The following SLIT1 variants were observed in gnomAD, a reference collection of about 807,000 sequenced individuals.
SLIT1 encodes the protein slit guidance ligand 1.
Under a neutral mutation model 186.1 loss-of-function variants are expected in SLIT1, and 66 were observed. The ratio of observed to expected loss-of-function variants is 0.35; its 90% confidence interval spans 0.29 to 0.44. SLIT1 has a LOEUF of 0.44. Ranked by LOEUF, SLIT1 falls within the 20% of genes least tolerant of loss-of-function variation. SLIT1 has a pLI of 1.00. For synonymous variants in SLIT1, 761 were observed against 833.8 expected (o/e 0.91, Z 1.50); for missense variants, 1,638 against 2,037.4 (o/e 0.80, Z 3.77).
chr10:97,114,617 C>T (rs1033788232), intron 4 of SLIT1, among the ~76,000 whole-genome samples: 29 of 152,028 alleles, frequency 1.9e-4, no homozygotes, highest in African/African-American at 6.8e-4. Context: ...CATGACTGCA[C>T]CACTGCACTC....
intron 20 of SLIT1, 25 bp from the exon 21 acceptor site, chr10:97,040,145 T>G (rs368940274): frequency 6.9e-5 from 105 of 1,531,842 alleles, no homozygotes; most frequent in Non-Finnish European, 9.0e-5. Context: ...ACGAAGCCCC[T>G]GTCAGGGAGG....
intron 4 of SLIT1, among the ~76,000 whole-genome samples, chr10:97,138,497 A>G (rs1849725876): frequency 6.6e-6 from 1 of 152,244 alleles, no homozygotes; most frequent in South Asian, 2.1e-4. Context: ...CTGAAGTCTC[A>G]TGCCATGTCC....
chr10:97,031,607 G>T lies in SLIT1; in HGVS notation c.2509C>A (p.Leu837Met). ...AFQGLRSLRL[L>M]SLHGNDISTL... is the part of the protein sequence containing the mutation. ...AGGATGGTGAGTGAGGAGACTTACA[G>T]CAGGCGCAGGGAGCGGAGTCCCTGG... Residue 837 changes from leucine to methionine, a missense_variant and splice_region_variant, in exon 24 of 37, where the codon CTG becomes ATG. By Grantham distance (15) the Leu-to-Met change is conservative. This residue lies in a region of SLIT1 where 1,245 missense variants were observed against 1,535.3 expected (regional missense o/e 0.81). Coordinates refer to ENST00000266058, the MANE Select transcript of SLIT1 (RefSeq NM_003061.3). 6.4e-7 allele frequency: 1 copy of T among 1,550,692 alleles called. No individual in the cohort carries two copies. The highest frequency in any genetic ancestry group is 1.2e-5 in the South Asian group (1 of 83,978).
chr10:97,095,427 G>A (rs776996607), intron 4 of SLIT1, among the ~76,000 whole-genome samples: 17 of 152,270 alleles, frequency 1.1e-4, no homozygotes, highest in Non-Finnish European at 2.2e-4. Flanking sequence ...TCTTCTTGGG[G>A]CTTCCCAGGG....
intron 4 of SLIT1, among the ~76,000 whole-genome samples, chr10:97,076,290 T>C (rs548719358): frequency 6.6e-6 from 1 of 152,248 alleles, no homozygotes; most frequent in African/African-American, 2.4e-5. Flanking sequence ...GGCCAGGGAA[T>C]GGGAGACAGA....
chr10:97,180,688 C>T (rs987881897), intron 1 of SLIT1, among the ~76,000 whole-genome samples: 2 of 152,198 alleles, frequency 1.3e-5, no homozygotes, highest in Non-Finnish European at 2.9e-5. Context: ...GCATACAGTC[C>T]CCACTCTGTC....
intron 4 of SLIT1, among the ~76,000 whole-genome samples, chr10:97,114,546 C>G (rs1455642030): frequency 6.6e-6 from 1 of 152,142 alleles, no homozygotes; most frequent in Non-Finnish European, 1.5e-5. Context: ...AGAGTCCCAG[C>G]TACTCTGGAG....
chr10:97,064,810 C>T lies in SLIT1; in HGVS notation c.552G>A (p.Glu184=). Residue 184 remains glutamate, a synonymous_variant, in exon 6 of 37, where the codon GAG becomes GAA. Transcript: ENST00000266058. ...EGAFRALRGL[E]VLTLNNNNIT... ...CTTTTCCATGCTTTACTTACAGCAC[C>T]TCCAGCCCCCGCAGAGCACGGAAGG... 5.0e-6 allele frequency: 8 copies of T among 1,610,600 alleles called. No individual in the cohort carries two copies. Among genetic ancestry groups the T allele is most frequent in the Non-Finnish European group, 6.8e-6 (8 of 1,178,260 alleles).
chr10:97,070,417 T>C lies in SLIT1; in HGVS notation c.414-4331A>G, dbSNP rs533752992. ...GGCCTCAGTTTCCTCATTTGTCCAA[T>C]TCATAGGCTGGAGCAGAAGATTTCT... is the stretch of plus-strand genomic sequence containing the variant. On this transcript the variant is annotated intron_variant, in intron 4 of 36. Transcript: ENST00000266058. Among the ~76,000 whole-genome samples, 88 of 152,248 alleles carry C rather than the reference T, an allele frequency of 5.8e-4. 1 individual carries two copies. The highest frequency in any genetic ancestry group is 2.1e-3 in the African/African-American group (88 of 41,542).
At chr10:97,025,008 G>A (rs1342236993) in intron 25 of SLIT1, among the ~76,000 whole-genome samples, 4 of 152,214 alleles carry the variant, frequency 2.6e-5, no homozygotes, top group Admixed American at 2.0e-4. Flanking sequence ...GATGGCTCAC[G>A]CCTGTAGTCC....
chr10:97,150,217 A>G (rs1007773662), intron 4 of SLIT1, among the ~76,000 whole-genome samples: 4 of 152,176 alleles, frequency 2.6e-5, no homozygotes, highest in African/African-American at 4.8e-5. Flanking sequence ...TCAGTTCTGC[A>G]GTTCTGCTGC....
chr10:97,087,353 G>A (rs1041640177), intron 4 of SLIT1, among the ~76,000 whole-genome samples: 3 of 152,156 alleles, frequency 2.0e-5, no homozygotes, highest in Non-Finnish European at 2.9e-5. Flanking sequence ...ACCATCCTCC[G>A]GCTTGCCTCC....
rs199759639 is a variant in SLIT1, at chr10:97,001,084, G to A, written c.*28C>T. On this transcript the variant is annotated 3_prime_UTR_variant, in exon 37 of 37. Transcript: ENST00000266058. ...CTGCAGCGGCTGGGGCCCCTTGCCCGCCCTCACCGGCCTGTCCACGCCCAG... is the reference window on the plus strand; with the variant it reads ...CTGCAGCGGCTGGGGCCCCTTGCCCACCCTCACCGGCCTGTCCACGCCCAG... The A allele has an allele frequency of 7.4e-5, 117 of 1,590,282 alleles. No individual in the cohort carries two copies. In the East Asian group the frequency reaches 1.3e-3, roughly 17 times the overall value.
At chr10:97,099,481 CAGG>C (rs879718484) in intron 4 of SLIT1, among the ~76,000 whole-genome samples, 13 of 152,270 alleles carry the variant, frequency 8.5e-5, no homozygotes, top group Admixed American at 2.0e-4. Flanking sequence ...AGGCAGTGGA[CAGG>C]AGGAGAAGCT....
intron 11 of SLIT1, chr10:97,057,728 C>CT: frequency 2.2e-6 from 1 of 445,562 alleles, no homozygotes; most frequent in South Asian, 3.8e-5. Context: ...AGTGTGAGAT[C>CT]CGGATGGTGG....
At chr10:97,140,011 T>G (rs1206979237) in intron 4 of SLIT1, among the ~76,000 whole-genome samples, 1 of 152,152 alleles carries the variant, frequency 6.6e-6, no homozygotes, top group Non-Finnish European at 1.5e-5. Flanking sequence ...GAAGCTCCCC[T>G]CTTCCTCTCT....
At chr10:97,023,406 TAGA>T (rs1368539848) in intron 25 of SLIT1, among the ~76,000 whole-genome samples, 1 of 151,894 alleles carries the variant, frequency 6.6e-6, no homozygotes, top group Admixed American at 6.6e-5. Context: ...AACAGATGCC[TAGA>T]AGTAGGATTT....
chr10:97,076,485 C>G (rs546313809), intron 4 of SLIT1, among the ~76,000 whole-genome samples: 14 of 152,254 alleles, frequency 9.2e-5, no homozygotes, highest in African/African-American at 3.4e-4. Context: ...TCCTATGCCT[C>G]CCACGTAGAA....
intron 4 of SLIT1, among the ~76,000 whole-genome samples, chr10:97,151,051 A>C (rs1219634327): frequency 6.6e-6 from 1 of 150,750 alleles, no homozygotes; most frequent in Non-Finnish European, 1.5e-5. Flanking sequence ...GCCCCCACCC[A>C]CTCCAATCTG....
Sources: gnomAD v4.1 joint callset for allele counts (sites outside exome capture counted in the v4.1 genomes callset) on GRCh38, gnomAD v4.1.1 for gene constraint, gnomAD v4.1.1 regional missense constraint, MANE v1.5 for transcripts, NCBI Gene and HGNC (gene_info 2026-07-23, HGNC 2026-07-21) for gene names.